LRBA: variants seen among roughly 807,000 people sequenced by gnomAD.
LRBA encodes LPS responsive beige-like anchor protein.
A neutral mutation model predicts 330.0 loss-of-function variants in LRBA; 176 were observed. The observed-to-expected ratio is 0.53, with a 90% confidence interval of 0.47 to 0.60. The LOEUF is 0.60. Ranked by LOEUF, LRBA falls within the 20% of genes least tolerant of loss-of-function variation. The pLI, the probability that LRBA is intolerant of heterozygous loss-of-function variation, is 0.00. For missense variants in LRBA, 3,259 were observed against 3,444.8 expected (o/e 0.95, Z 1.35); for synonymous variants, 1,230 against 1,193.0 (o/e 1.03, Z -0.64).
In LRBA at chr4:150,608,937, C is replaced by T. The variant is rs78318148; in HGVS notation, c.5922-9806G>A. Among the ~76,000 whole-genome samples the T allele has an allele frequency of 6.2e-3, 942 of 152,314 alleles. 13 individuals are homozygous for T. Among genetic ancestry groups the T allele is most frequent in the African/African-American group, 0.021 (891 of 41,578 alleles). ...TATGTTGTAGCACATATTGGTAGCTCATTCTTTTTATTACTGAATGATATT... is the reference window on the plus strand; with the variant it reads ...TATGTTGTAGCACATATTGGTAGCTTATTCTTTTTATTACTGAATGATATT... On this transcript the variant is annotated intron_variant, in intron 37 of 56. Transcript: ENST00000651943.
At chr4:150,700,921 G>A (rs768586124) in intron 36 of LRBA, among the ~76,000 whole-genome samples, 1 of 151,726 alleles carries the variant, frequency 6.6e-6, no homozygotes, top group African/African-American at 2.4e-5. Context: ...CCACACCCCT[G>A]GCTAACTTTT....
At chr4:150,862,509 T>C (rs1049958232) in intron 22 of LRBA, among the ~76,000 whole-genome samples, 6 of 151,858 alleles carry the variant, frequency 4.0e-5, no homozygotes, top group Admixed American at 3.3e-4. Flanking sequence ...AAAGGGAACA[T>C]CACACACTGG....
At chr4:150,831,678 TTAA>T (rs1747211961) in intron 29 of LRBA, 136 bp downstream of exon 29, 1 of 540,390 alleles carries the variant, frequency 1.9e-6, no homozygotes, top group Non-Finnish European at 2.9e-6. Flanking sequence ...CAACTTTTAG[TTAA>T]TAATAAAAAT....
chr4:150,811,748 T>G (rs1743772014), intron 31 of LRBA, among the ~76,000 whole-genome samples: 1 of 152,150 alleles, frequency 6.6e-6, no homozygotes, highest in African/African-American at 2.4e-5. Flanking sequence ...CAGGTGATTC[T>G]TCCACCCCAG....
intron 22 of LRBA, among the ~76,000 whole-genome samples, chr4:150,855,633 C>T (rs1202342813): frequency 6.6e-6 from 1 of 152,034 alleles, no homozygotes; most frequent in Non-Finnish European, 1.5e-5. Flanking sequence ...CCCCTATGTG[C>T]CCTGCCCAAA....
chr4:150,456,422 AATG>A (rs1431627257), intron 44 of LRBA, among the ~76,000 whole-genome samples: 1 of 152,158 alleles, frequency 6.6e-6, no homozygotes, highest in Non-Finnish European at 1.5e-5. Flanking sequence ...TCTGATGATC[AATG>A]ATGTTGAGTG....
At chr4:150,521,583 T>C (rs1413570269) in intron 40 of LRBA, among the ~76,000 whole-genome samples, 1 of 152,172 alleles carries the variant, frequency 6.6e-6, no homozygotes, top group Non-Finnish European at 1.5e-5. Flanking sequence ...GTTAAATACT[T>C]CCTAATGTCC....
chr4:150,287,991 A>ATT (rs1318054945), intron 53 of LRBA, among the ~76,000 whole-genome samples: 88 of 144,756 alleles, frequency 6.1e-4, no homozygotes, highest in Non-Finnish European at 8.4e-4. Context: ...GGATCCACAA[A>ATT]TTTTTTTTTT....
intron 28 of LRBA, among the ~76,000 whole-genome samples, chr4:150,837,849 T>G (rs1313929777): frequency 5.3e-5 from 8 of 152,210 alleles, no homozygotes; most frequent in Non-Finnish European, 1.0e-4. Flanking sequence ...GTTAGCTGGT[T>G]ATTTTGCTCA....
Position 150,289,165 on chromosome 4 carries a change from G to A in LRBA, c.8018-3131C>T, listed in dbSNP as rs1228804185. The stretch of plus-strand genomic sequence containing the variant: ...TGATTAACTCCAGAAGGTGGGTTAA[G>A]ATATAAGCATTATTTTTTTTGTAAA... On this transcript the variant is annotated intron_variant, in intron 53 of 56. Transcript: ENST00000651943. 2.6e-5 allele frequency among the ~76,000 whole-genome samples: 4 copies of A among 152,110 alleles called. No homozygotes were observed. In the East Asian group the frequency reaches 7.7e-4, roughly 29 times the overall value.
At position 150,831,893 on chromosome 4, in the gene LRBA, A is replaced by C. The variant is rs1156472495; in HGVS notation, c.4653T>G (p.Ile1551Met). Reference protein sequence around the residue: ...SVLMVSKYRDILEPQNERHSQ... With the variant: ...SVLMVSKYRDMLEPQNERHSQ... ...TATGCCTTTCATTTTGGGGTTCCAAAATGTCTCTGTACTTGGAGACCATAA... is the reference window on the plus strand; with the variant it reads ...TATGCCTTTCATTTTGGGGTTCCAACATGTCTCTGTACTTGGAGACCATAA... Residue 1551 changes from isoleucine to methionine, a missense_variant, in exon 29 of 57, where the codon ATT becomes ATG. Coordinates refer to ENST00000651943, the MANE Select transcript of LRBA (RefSeq NM_001364905.1). 3.1e-6 allele frequency: 5 copies of C among 1,605,814 alleles called. No homozygotes were observed. Among genetic ancestry groups the C allele is most frequent in the Non-Finnish European group, 4.3e-6 (5 of 1,175,878 alleles).
Position 150,928,010 on chromosome 4 carries a change from T to C in LRBA, c.549+506A>G, listed in dbSNP as rs150344830. On this transcript the variant is annotated intron_variant, in intron 4 of 56. Coordinates refer to ENST00000651943, the MANE Select transcript of LRBA (RefSeq NM_001364905.1). ...ACTCCTCTTCAATGGGACAGATAAC[T>C]ATATGGTGGAAGAAACAGTTTGATA... Among the ~76,000 whole-genome samples, 327 of 152,266 alleles carry C rather than the reference T, an allele frequency of 2.1e-3. 2 individuals carry two copies. Among genetic ancestry groups the C allele is most frequent in the Non-Finnish European group, 3.4e-3 (231 of 68,008 alleles).
chr4:150,867,554 T>C (rs923951513), intron 22 of LRBA, 117 bp downstream of exon 22: 4 of 678,882 alleles, frequency 5.9e-6, no homozygotes, highest in Non-Finnish European at 9.6e-6. Context: ...TGCTGTACTT[T>C]CAGAAGATAA....
chr4:150,300,891 T>A (rs1729590862), intron 53 of LRBA, among the ~76,000 whole-genome samples: 1 of 152,086 alleles, frequency 6.6e-6, no homozygotes, highest in African/African-American at 2.4e-5. Flanking sequence ...TACACATTGG[T>A]AATGACGGTG....
chr4:150,545,123 A>T (rs544380236), intron 40 of LRBA, among the ~76,000 whole-genome samples: 10 of 152,308 alleles, frequency 6.6e-5, no homozygotes, highest in South Asian at 2.1e-4. Flanking sequence ...ATGCTCATGA[A>T]AGCCTTTAAA....
At chr4:150,595,253 G>T (rs1249575306) in intron 38 of LRBA, among the ~76,000 whole-genome samples, 7 of 151,804 alleles carry the variant, frequency 4.6e-5, no homozygotes, top group Admixed American at 4.6e-4. Flanking sequence ...AACTACAAAG[G>T]ATAATTAGGA....
chr4:150,537,638 C>T lies in LRBA; in HGVS notation c.6331-46603G>A, dbSNP rs535956371. On this transcript the variant is annotated intron_variant, in intron 40 of 56. Coordinates refer to ENST00000651943, the MANE Select transcript of LRBA (RefSeq NM_001364905.1). ...AGGAAACTTCATTCAACAAGCAAAACCCAAAGAACCCCATTAAAAAGTGAA... is the reference window on the plus strand; with the variant it reads ...AGGAAACTTCATTCAACAAGCAAAATCCAAAGAACCCCATTAAAAAGTGAA... Among the ~76,000 whole-genome samples the T allele has an allele frequency of 7.2e-5, 11 of 152,116 alleles. No homozygotes were observed. The South Asian group carries it at 2.3e-3, about 32-fold the overall frequency.
intron 40 of LRBA, among the ~76,000 whole-genome samples, chr4:150,528,452 G>A (rs925563940): frequency 4.0e-5 from 6 of 149,504 alleles, no homozygotes; most frequent in Admixed American, 4.0e-4. Flanking sequence ...AGTGAGCCGA[G>A]ATCACGCCAC....
At chr4:150,721,231 C>A (rs1728886828) in intron 36 of LRBA, 3 of 430,370 alleles carry the variant, frequency 7.0e-6, no homozygotes, top group African/African-American at 2.1e-5. Flanking sequence ...CAAGAAGTTT[C>A]TACTTTTCTT....
Sources: gnomAD v4.1 joint callset for allele counts (sites outside exome capture counted in the v4.1 genomes callset) on GRCh38, gnomAD v4.1.1 for gene constraint, MANE v1.5 for transcripts, NCBI Gene and HGNC (gene_info 2026-07-23, HGNC 2026-07-21) for gene names.